The following DLGAP3 variants were observed in gnomAD, a reference collection of about 807,000 sequenced individuals.
The protein encoded by DLGAP3 is DLG associated protein 3.
A neutral mutation model predicts 81.2 loss-of-function variants in DLGAP3; 17 were observed. The observed-to-expected ratio is 0.21, with a 90% CI of 0.14 to 0.31. The LOEUF is 0.31. DLGAP3 is among the 10% of genes least tolerant of loss of function. The pLI is 1.00. For missense variants in DLGAP3, 1,124 were observed against 1,388.0 expected (o/e 0.81, Z 3.02); for synonymous variants, 577 against 587.4 (o/e 0.98, Z 0.26).
chr1:34,871,790 C>T (rs955983184), intron 8 of DLGAP3, among the ~76,000 whole-genome samples: 25 of 152,244 alleles, frequency 1.6e-4, no homozygotes, highest in African/African-American at 6.0e-4. Context: ...CATTCCATCG[C>T]GATGGAAACA....
chr1:34,915,555 G>A (rs145472854), intron 1 of DLGAP3, among the ~76,000 whole-genome samples: 32 of 152,294 alleles, frequency 2.1e-4, no homozygotes, highest in African/African-American at 7.2e-4. Flanking sequence ...ACACTGTCCC[G>A]TAAGCTCTCT....
At chr1:34,926,020 G>T (rs1039455834) in intron 1 of DLGAP3, among the ~76,000 whole-genome samples, 2 of 152,198 alleles carry the variant, frequency 1.3e-5, no homozygotes, top group Non-Finnish European at 2.9e-5. Context: ...TTGCCTGTGG[G>T]CTGCTGTGTA....
intron 7 of DLGAP3, 118 bp downstream of exon 7, chr1:34,885,360 T>G: frequency 8.4e-7 from 1 of 1,184,004 alleles, no homozygotes; most frequent in Non-Finnish European, 1.2e-6. Flanking sequence ...GGGGTTCACT[T>G]GCAGCTCAGG....
Position 34,885,415 on chromosome 1 carries a change from C to A in DLGAP3, c.1914+63G>T, listed in dbSNP as rs537048523. ...GATATATCCAGAAGGCCGCTTCCAG[C>A]CCCTCACCCCAGCCCCGACCGACCA... On this transcript the variant is annotated intron_variant, in intron 7 of 11. Coordinates refer to ENST00000373347, the MANE Select transcript of DLGAP3 (RefSeq NM_001080418.3). The A allele has an allele frequency of 5.8e-5, 90 of 1,546,632 alleles. 1 individual carries two copies. The East Asian group carries it at 1.3e-3, about 23-fold the overall frequency.
chr1:34,878,185 TAAAC>T (rs958395075), intron 8 of DLGAP3, among the ~76,000 whole-genome samples: 1 of 152,052 alleles, frequency 6.6e-6, no homozygotes, highest in African/African-American at 2.4e-5. Context: ...CACATGCCTG[TAAAC>T]CCAGCTACCC....
At chr1:34,883,409 C>A (rs1266268049) in intron 8 of DLGAP3, among the ~76,000 whole-genome samples, 2 of 152,118 alleles carry the variant, frequency 1.3e-5, no homozygotes, top group African/African-American at 4.8e-5. Context: ...TGTGGGGAAC[C>A]CCCACCCCCC....
intron 8 of DLGAP3, among the ~76,000 whole-genome samples, chr1:34,878,102 C>T (rs1569603841): frequency 6.6e-6 from 1 of 152,096 alleles, no homozygotes; most frequent in Non-Finnish European, 1.5e-5. Flanking sequence ...GTCAGGAGTT[C>T]GCGACCAGCC....
Position 34,900,907 on chromosome 1 carries a change from T to A in DLGAP3, c.1108-634A>T, listed in dbSNP as rs963946192. ...GAGGGGGAAGAGGAGGAGATGGAAA[T>A]GAGAGGTGTTAAGGAGCATCAGTGA... On this transcript the variant is annotated intron_variant, in intron 3 of 11. Transcript: ENST00000373347. The surrounding 1 kb of genome is among the most constrained non-coding windows in gnomAD (Gnocchi z 5.6). 6.7e-6 allele frequency among the ~76,000 whole-genome samples: 1 copy of A among 149,446 alleles called. No homozygotes were observed. Among genetic ancestry groups the A allele is most frequent in the South Asian group, 2.1e-4 (1 of 4,704 alleles).
Position 34,895,917 on chromosome 1 carries a change from T to TACACACAC in DLGAP3, c.1386+3744_1386+3751dup, listed in dbSNP as rs34456104. Among the ~76,000 whole-genome samples, 164 of 144,578 alleles carry TACACACAC rather than the reference T, an allele frequency of 1.1e-3. No homozygotes were observed. Among genetic ancestry groups the TACACACAC allele is most frequent in the African/African-American group, 2.7e-3 (103 of 38,246 alleles). The allele number at this position is 144,578 out of a possible 152,430, so 94.8% of individuals were successfully genotyped here. On this transcript the variant is annotated intron_variant, in intron 5 of 11. Coordinates refer to ENST00000373347, the MANE Select transcript of DLGAP3 (RefSeq NM_001080418.3). This position sits in a 1 kb window ranked among gnomAD's most constrained non-coding sequence, Gnocchi z 4.5. Reference sequence around the variant, plus strand: ...CTGGACCCCTAACTTGAATCACACATACACACACACACACACACACACACA... The same window carrying TACACACAC: ...CTGGACCCCTAACTTGAATCACACATACACACACACACACACACACACACACACACACA...
chr1:34,876,610 TA>T (rs1274248438), intron 8 of DLGAP3, among the ~76,000 whole-genome samples: 1 of 152,132 alleles, frequency 6.6e-6, no homozygotes, highest in African/African-American at 2.4e-5. Flanking sequence ...GGTGTATGAC[TA>T]AGGACGCCTG....
intron 5 of DLGAP3, among the ~76,000 whole-genome samples, chr1:34,894,610 T>C (rs962377564): frequency 2.0e-5 from 3 of 152,210 alleles, no homozygotes; most frequent in Non-Finnish European, 4.4e-5. Flanking sequence ...AGAAAATAAA[T>C]GTTAAGCTAG....
At chr1:34,874,718 G>T (rs1569599301) in intron 8 of DLGAP3, among the ~76,000 whole-genome samples, 1 of 152,200 alleles carries the variant, frequency 6.6e-6, no homozygotes, top group Non-Finnish European at 1.5e-5. Flanking sequence ...AAAAGCCTCT[G>T]GGTAGAAGCT....
chr1:34,869,256 T>G (rs1638942213), intron 8 of DLGAP3, among the ~76,000 whole-genome samples, 167 bp from the exon 9 acceptor site: 1 of 152,170 alleles, frequency 6.6e-6, no homozygotes, highest in African/African-American at 2.4e-5. Flanking sequence ...ACGTACATAA[T>G]ATACCTACCT....
chr1:34,914,352 C>T (rs541099278), intron 1 of DLGAP3, among the ~76,000 whole-genome samples: 9 of 152,336 alleles, frequency 5.9e-5, no homozygotes, highest in South Asian at 4.1e-4. Context: ...GGCTGTGCTG[C>T]CTTATCATTT....
rs567556607 is a variant in DLGAP3, at chr1:34,904,926, G to A, written c.458C>T (p.Ala153Val). ...CTCTGGGGCAGTGCCCGTCCCTGGCGCTGGCCCGGGCCCTGCCCCTGCTGG... is the reference window on the plus strand; with the variant it reads ...CTCTGGGGCAGTGCCCGTCCCTGGCACTGGCCCGGGCCCTGCCCCTGCTGG... ...RGPAGAGPGPAPGTGTAPEPR... is the reference protein window; with the variant it reads ...RGPAGAGPGPVPGTGTAPEPR... Residue 153 changes from alanine (A) to valine (V), a missense_variant, in exon 3 of 12, where the codon GCG becomes GTG. Around this residue, in one of 9 missense-constraint regions of DLGAP3, gnomAD observed 65 missense variants for 78.2 expected, o/e 0.83. Transcript: ENST00000373347. This position sits in a 1 kb window ranked among gnomAD's most constrained non-coding sequence, Gnocchi z 8.1. The A allele has an allele frequency of 5.6e-6, 9 of 1,612,068 alleles. No individual in the cohort carries two copies. Among genetic ancestry groups the A allele is most frequent in the East Asian group, 2.2e-5 (1 of 44,860 alleles).
intron 1 of DLGAP3, among the ~76,000 whole-genome samples, chr1:34,913,661 C>CAG (rs770402518): frequency 7.9e-5 from 12 of 152,202 alleles, no homozygotes; most frequent in Non-Finnish European, 1.5e-4. Flanking sequence ...TTGTGTGCTG[C>CAG]AGCATTTTGA....
chr1:34,901,174 G>A (rs1271838486), intron 3 of DLGAP3, among the ~76,000 whole-genome samples: 1 of 152,162 alleles, frequency 6.6e-6, no homozygotes, highest in Non-Finnish European at 1.5e-5. Context: ...AGGCGGACAT[G>A]TGGGAGTCAT....
At chr1:34,903,957 TA>T (rs1639502213) in intron 3 of DLGAP3, among the ~76,000 whole-genome samples, 1 of 152,206 alleles carries the variant, frequency 6.6e-6, no homozygotes, top group South Asian at 2.1e-4. Flanking sequence ...CTATCCTGTC[TA>T]CTGCCTGCCC....
intron 1 of DLGAP3, among the ~76,000 whole-genome samples, chr1:34,927,774 G>A (rs1207333078): frequency 6.6e-6 from 1 of 151,870 alleles, no homozygotes; most frequent in Non-Finnish European, 1.5e-5. Context: ...CTGCGCAGTG[G>A]TAGAGGGCAG....
Sources: allele counts gnomAD v4.1 joint callset (sites outside exome capture counted in the v4.1 genomes callset), GRCh38; gene constraint gnomAD v4.1.1; regional missense constraint gnomAD v4.1.1; non-coding constraint Gnocchi (gnomAD v3.1); transcripts MANE v1.5; gene names NCBI Gene and HGNC (gene_info 2026-07-23, HGNC 2026-07-21).